Variants in SLC35F4 observed in about 807,000 individuals in gnomAD.
The protein encoded by SLC35F4 is solute carrier family 35 member F4.
Under a neutral mutation model 44.2 loss-of-function variants are expected in SLC35F4, and 24 were observed. The observed-to-expected ratio is 0.54, with a 90% CI of 0.39 to 0.76. The LOEUF (loss-of-function observed/expected upper bound fraction) is 0.76. Ranked by LOEUF, SLC35F4 falls within the 30% of genes least tolerant of loss-of-function variation. The pLI is 0.00. For missense variants in SLC35F4, 562 were observed against 586.1 expected, an observed-to-expected ratio of 0.96 and a Z score of 0.42; for synonymous variants, 238 against 223.6, an observed-to-expected ratio of 1.06 and a Z score of -0.57.
intron 1 of SLC35F4, among the ~76,000 whole-genome samples, chr14:57,697,745 G>T (rs1013866469): frequency 6.6e-6 from 1 of 150,880 alleles, no homozygotes; most frequent in Non-Finnish European, 1.5e-5. Flanking sequence ...AAAAATATTT[G>T]TTAAATTCCA....
upstream of SLC35F4, among the ~76,000 whole-genome samples, chr14:57,869,864 C>CCCCATTTG (rs1459332317): frequency 1.6e-4 from 25 of 152,280 alleles, no homozygotes; most frequent in African/African-American, 5.8e-4. Flanking sequence ...TCATCAGCCA[C>CCCCATTTG]CCCATTTGGA....
intron 4 of SLC35F4, among the ~76,000 whole-genome samples, chr14:57,578,348 T>G (rs1307183351): frequency 5.3e-5 from 7 of 131,990 alleles, no homozygotes; most frequent in Non-Finnish European, 7.9e-5. Context: ...TTTTTTTTTT[T>G]TTTTTTTTTT....
intron 1 of SLC35F4, among the ~76,000 whole-genome samples, chr14:57,681,137 G>A (rs2074888670): frequency 2.0e-5 from 3 of 152,088 alleles, no homozygotes; most frequent in Admixed American, 6.5e-5. Context: ...TAAGGTTACA[G>A]TAACCAAAAC....
At chr14:57,957,327 T>TCCCTC (rs1890256480) in intron 1 of SLC35F4, among the ~76,000 whole-genome samples, 1 of 151,772 alleles carries the variant, frequency 6.6e-6, no homozygotes, top group South Asian at 2.1e-4. Context: ...TTAGGAGAAA[T>TCCCTC]ACCTAACGTA....
chr14:57,910,130 A>AT (rs958043005), intron 1 of SLC35F4, among the ~76,000 whole-genome samples: 35 of 151,598 alleles, frequency 2.3e-4, no homozygotes, highest in East Asian at 5.8e-4. Flanking sequence ...TCTTTTGCCT[A>AT]TTTTTTTTAT....
At chr14:57,776,838 A>C (rs1437484849) in intron 1 of SLC35F4, among the ~76,000 whole-genome samples, 1 of 152,178 alleles carries the variant, frequency 6.6e-6, no homozygotes, top group Non-Finnish European at 1.5e-5. Flanking sequence ...CAAGGATTTC[A>C]TATCTGGCCA....
chr14:57,782,200 T>G (rs1304299647), intron 1 of SLC35F4, among the ~76,000 whole-genome samples: 1 of 152,188 alleles, frequency 6.6e-6, no homozygotes, highest in Admixed American at 6.5e-5. Flanking sequence ...CAGAATTAAT[T>G]TATATGAGTC....
At chr14:57,776,457 G>T (rs1453809705) in intron 1 of SLC35F4, among the ~76,000 whole-genome samples, 1 of 152,038 alleles carries the variant, frequency 6.6e-6, no homozygotes, top group Non-Finnish European at 1.5e-5. Flanking sequence ...ACGAGGTCAG[G>T]AGATCAAGAC....
chr14:57,946,464 C>CTTTTTTTTTTTTTTTTTT, intron 1 of SLC35F4, among the ~76,000 whole-genome samples: 1 of 124,868 alleles, frequency 8.0e-6, no homozygotes, highest in East Asian at 2.2e-4. Flanking sequence ...GTTTTGTTTT[C>CTTTTTTTTTTTTTTTTTT]TTTTCTTTTT....
rs557801118 is a variant in SLC35F4 at position 57,787,881 on chromosome 14, C to T, written c.103+77842G>A. Among the ~76,000 whole-genome samples, 17 of 152,150 alleles carry T rather than the reference C, an allele frequency of 1.1e-4. No individual in the cohort carries two copies. In the South Asian group the frequency reaches 1.9e-3, roughly 17 times the overall value. ...GCAAAACAAAAAACCAAAGTACACA[C>T]GCAACAAAGAGCTGGATGAATGTGA... On this transcript the variant is annotated intron_variant, in intron 1 of 7. Coordinates refer to ENST00000556826, the MANE Select transcript of SLC35F4 (RefSeq NM_001306087.2).
In SLC35F4 at chr14:57,845,310, T is replaced by C. The variant is rs142718569; in HGVS notation, c.103+20413A>G. On this transcript the variant is annotated intron_variant, in intron 1 of 7. Coordinates refer to ENST00000556826, the MANE Select transcript of SLC35F4 (RefSeq NM_001306087.2). ...AGCTATGCCCTTGGGCAAGGTAACC[T>C]CTCTGAGCCTCAATTTTTTCATCTC... 4.9e-3 allele frequency among the ~76,000 whole-genome samples: 750 copies of C among 152,312 alleles called. 3 individuals are homozygous for C. Among genetic ancestry groups the C allele is most frequent in the Non-Finnish European group, 6.4e-3 (436 of 68,030 alleles).
intron 1 of SLC35F4, among the ~76,000 whole-genome samples, chr14:57,702,976 C>T (rs1233304693): frequency 6.6e-6 from 1 of 152,114 alleles, no homozygotes; most frequent in African/African-American, 2.4e-5. Context: ...AAAATACACA[C>T]ACATACACAC....
chr14:57,712,667 G>A (rs1422117652), intron 1 of SLC35F4, among the ~76,000 whole-genome samples: 1 of 152,114 alleles, frequency 6.6e-6, no homozygotes, highest in Non-Finnish European at 1.5e-5. Context: ...TTTCAGAACT[G>A]CTTAACAAAT....
intron 1 of SLC35F4, among the ~76,000 whole-genome samples, chr14:57,957,009 T>C (rs1393494205): frequency 6.6e-6 from 1 of 152,188 alleles, no homozygotes; most frequent in Non-Finnish European, 1.5e-5. Flanking sequence ...ATTGCAGCAC[T>C]GTTCACAATA....
rs543963927 is a variant in SLC35F4 at position 57,586,717 on chromosome 14, C to CAAAAAAAAAAAAAA, written c.587+2485_587+2498dup. Among the ~76,000 whole-genome samples the CAAAAAAAAAAAAAA allele has an allele frequency of 1.9e-3, 24 of 12,496 alleles. 3 individuals carry two copies. The highest frequency in any genetic ancestry group is 0.016 in the East Asian group (2 of 126). The allele number at this position is 12,496 out of a possible 152,430, so 8.2% of individuals were successfully genotyped here. On this transcript the variant is annotated intron_variant, in intron 3 of 7. Transcript: ENST00000556826. Reference sequence around the variant, plus strand: ...TGGGTGACAGAGCGAGACTCTGTCTCAAAAAAAAAAAAAAAAAAAAAAAAA... The same window carrying CAAAAAAAAAAAAAA: ...TGGGTGACAGAGCGAGACTCTGTCTCAAAAAAAAAAAAAAAAAAAAAAAAAAAAAAAAAAAAAAA...
chr14:57,760,017 G>A (rs1047064074), intron 1 of SLC35F4, among the ~76,000 whole-genome samples: 2 of 150,852 alleles, frequency 1.3e-5, no homozygotes, highest in Admixed American at 6.6e-5. Context: ...CTTTTTCTGT[G>A]TCACTTTTTA....
chr14:57,908,259 G>C (rs1389572849), intron 1 of SLC35F4, among the ~76,000 whole-genome samples: 2 of 152,150 alleles, frequency 1.3e-5, no homozygotes, highest in Non-Finnish European at 2.9e-5. Context: ...ACATATGTGT[G>C]CATGTGTCTT....
intron 3 of SLC35F4, among the ~76,000 whole-genome samples, chr14:57,587,870 C>CAAAAAAAAA (rs60521934): frequency 6.4e-5 from 8 of 125,002 alleles, no homozygotes; most frequent in East Asian, 4.5e-4. Context: ...ATGCACCTTC[C>CAAAAAAAAA]AAAAAAAAAA....
At chr14:57,709,280 G>A (rs2075757821) in intron 1 of SLC35F4, among the ~76,000 whole-genome samples, 1 of 152,088 alleles carries the variant, frequency 6.6e-6, no homozygotes, top group African/African-American at 2.4e-5. Flanking sequence ...CCCAGATGCT[G>A]GCATTACCGC....
Sources: allele counts gnomAD v4.1 joint callset (sites outside exome capture counted in the v4.1 genomes callset), GRCh38; gene constraint gnomAD v4.1.1; transcripts MANE v1.5; gene names NCBI Gene and HGNC (gene_info 2026-07-23, HGNC 2026-07-21).